Variants in ATL2 observed in about 807,000 individuals in gnomAD.
The protein encoded by ATL2 is atlastin GTPase 2, also known as atlastin-2.
A neutral mutation model predicts 73.9 loss-of-function variants in ATL2; 31 were observed. That is an observed-to-expected ratio of 0.42 (90% CI 0.32 to 0.57). The LOEUF is 0.57. ATL2 is among the 20% of genes least tolerant of loss of function. The pLI, the probability that ATL2 is intolerant of heterozygous loss-of-function variation, is 0.14. For missense variants in ATL2, 738 were observed against 702.6 expected, an observed-to-expected ratio of 1.05 and a Z score of -0.57; for synonymous variants, 291 against 237.5, an observed-to-expected ratio of 1.23 and a Z score of -2.07.
At chr2:38,366,458 T>C (rs543592369) in intron 1 of ATL2, among the ~76,000 whole-genome samples, 1 of 152,294 alleles carries the variant, frequency 6.6e-6, no homozygotes, top group South Asian at 2.1e-4. Flanking sequence ...AGATTGAAAA[T>C]TCTCAGAAAT....
At chr2:38,301,348 T>C (rs1283822611) in intron 9 of ATL2, among the ~76,000 whole-genome samples, 3 of 152,170 alleles carry the variant, frequency 2.0e-5, no homozygotes, top group Non-Finnish European at 4.4e-5. Context: ...AAGCCTCCAG[T>C]GATCACCACC....
intron 7 of ATL2, 103 bp downstream of exon 7, chr2:38,313,048 C>T (rs1667843641): frequency 2.7e-6 from 2 of 733,210 alleles, no homozygotes; most frequent in Non-Finnish European, 4.4e-6. Flanking sequence ...ATACTTTATT[C>T]CAACGACACG....
At chr2:38,365,619 T>A (rs1391573525) in intron 1 of ATL2, among the ~76,000 whole-genome samples, 1 of 152,166 alleles carries the variant, frequency 6.6e-6, no homozygotes, top group East Asian at 1.9e-4. Flanking sequence ...TGAAACCCCA[T>A]CTCTACTAAA....
intron 2 of ATL2, among the ~76,000 whole-genome samples, chr2:38,320,372 A>G (rs1187122327): frequency 6.6e-6 from 1 of 152,190 alleles, no homozygotes; most frequent in Non-Finnish European, 1.5e-5. Flanking sequence ...CATTTGCTTT[A>G]AAATATTCCG....
chr2:38,362,683 A>G (rs1671078947), intron 1 of ATL2, among the ~76,000 whole-genome samples: 1 of 152,268 alleles, frequency 6.6e-6, no homozygotes, highest in African/African-American at 2.4e-5. Context: ...CACAGTTCTG[A>G]GAACTACAGA....
chr2:38,366,184 A>G (rs1004169831), intron 1 of ATL2, among the ~76,000 whole-genome samples: 1 of 152,142 alleles, frequency 6.6e-6, no homozygotes, highest in East Asian at 1.9e-4. Context: ...TTGAGGGTAC[A>G]TGACAGGATT....
intron 2 of ATL2, among the ~76,000 whole-genome samples, chr2:38,329,910 C>T (rs1456704364): frequency 4.6e-5 from 7 of 152,110 alleles, no homozygotes; most frequent in African/African-American, 9.7e-5. Flanking sequence ...GGGCAGAATA[C>T]CTGAGGTCAG....
intron 2 of ATL2, among the ~76,000 whole-genome samples, chr2:38,321,495 G>C (rs1204491850): frequency 6.6e-6 from 1 of 152,140 alleles, no homozygotes; most frequent in Non-Finnish European, 1.5e-5. Context: ...CCCCGGACAA[G>C]TAAAACTGGT....
At chr2:38,321,741 C>T (rs1668333109) in intron 2 of ATL2, among the ~76,000 whole-genome samples, 1 of 151,902 alleles carries the variant, frequency 6.6e-6, no homozygotes, top group African/African-American at 2.4e-5. Context: ...GAGACAGGGT[C>T]TCACTCTGTC....
chr2:38,365,550 G>A (rs1671272678), intron 1 of ATL2, among the ~76,000 whole-genome samples: 2 of 152,072 alleles, frequency 1.3e-5, no homozygotes, highest in Non-Finnish European at 1.5e-5. Flanking sequence ...TAGCACTTTC[G>A]GAGGCCAAGG....
Position 38,303,670 on chromosome 2 carries a change from T to TA in ATL2, c.1072-3343dup, listed in dbSNP as rs1667299259. 5.3e-5 allele frequency among the ~76,000 whole-genome samples: 8 copies of TA among 151,258 alleles called. No individual in the cohort carries two copies. In the South Asian group the frequency reaches 1.7e-3, roughly 32 times the overall value. ...AAGAGTTCATTGCCTTAAAGAGGAG[T>TA]AGCTAAAGAGACAGCGGTAGAAAGT... is the stretch of plus-strand genomic sequence containing the variant. On this transcript the variant is annotated intron_variant, in intron 9 of 12. Transcript: ENST00000378954.
chr2:38,309,599 A>C, intron 8 of ATL2, 93 bp from the exon 9 acceptor site: 2 of 1,261,990 alleles, frequency 1.6e-6, no homozygotes, highest in Non-Finnish European at 1.1e-6. Flanking sequence ...TGAAATAAGA[A>C]TACATAGTAT....
intron 1 of ATL2, among the ~76,000 whole-genome samples, chr2:38,352,102 C>G (rs1349738266): frequency 2.7e-5 from 3 of 112,734 alleles, no homozygotes; most frequent in Non-Finnish European, 3.4e-5. Context: ...CAGAGCAAAA[C>G]TCTGTTTCAA....
intron 9 of ATL2, among the ~76,000 whole-genome samples, chr2:38,307,884 CA>C (rs1667537922): frequency 6.6e-6 from 1 of 152,098 alleles, no homozygotes; most frequent in Non-Finnish European, 1.5e-5. Flanking sequence ...CAGAGAAATG[CA>C]AATCAAAACT....
chr2:38,377,051 G>A lies in ATL2; in HGVS notation c.118+92C>T, dbSNP rs549236085. On this transcript the variant is annotated intron_variant, in intron 1 of 12. Transcript: ENST00000378954. Reference sequence around the variant, plus strand: ...GAGACCTGAACCAGCCGCGGACTCCGACCCCGCCGCCTGCGGCCGGTGCCC... The same window carrying A: ...GAGACCTGAACCAGCCGCGGACTCCAACCCCGCCGCCTGCGGCCGGTGCCC... 7.4e-5 allele frequency: 93 copies of A among 1,262,494 alleles called. No homozygotes were observed. In the African/African-American group the frequency reaches 1.4e-3, roughly 19 times the overall value. The allele number at this position is 1,262,494 out of a possible 1,614,324, so 78.2% of individuals were successfully genotyped here.
In ATL2 at chr2:38,314,632, T is replaced by C. The variant is rs1182330435; in HGVS notation, c.687A>G (p.Glu229=). 2 of 1,600,554 alleles carry C rather than the reference T, an allele frequency of 1.2e-6. No individual in the cohort carries two copies. Among genetic ancestry groups the C allele is most frequent in the African/African-American group, 1.3e-5 (1 of 74,600 alleles). ...LFTEYGRLAM[E]EIYQKPFQTL... is the part of the protein sequence containing the mutation. ...CCTGAAATGGTTTCTGGTAGATTTC[T>C]TCCATCGCAAGTCTTCCATACTCTG... is the stretch of plus-strand genomic sequence containing the variant. The change falls in exon 6 of 13, where the codon GAA becomes GAG. Residue 229 remains glutamate (E), a synonymous_variant. Coordinates refer to ENST00000378954, the MANE Select transcript of ATL2 (RefSeq NM_001135673.4).
At chr2:38,317,816 T>C (rs1240796090) in intron 4 of ATL2, among the ~76,000 whole-genome samples, 1 of 150,298 alleles carries the variant, frequency 6.7e-6, no homozygotes, top group Non-Finnish European at 1.5e-5. Context: ...AAAAAAAGTA[T>C]GTATTCCATA....
At chr2:38,325,902 TGTTTAAAAAAAA>T (rs1410282654) in intron 2 of ATL2, among the ~76,000 whole-genome samples, 61 of 52,846 alleles carry the variant, frequency 1.2e-3, no homozygotes, top group Middle Eastern at 8.2e-3. Context: ...TTTGTTTGTT[TGTTTAAAAAAAA>T]AAAAAAAAAA....
intron 9 of ATL2, among the ~76,000 whole-genome samples, chr2:38,305,350 C>A (rs1667392740): frequency 6.6e-6 from 1 of 152,174 alleles, no homozygotes; most frequent in Non-Finnish European, 1.5e-5. Flanking sequence ...GAGTTTGAGA[C>A]CAGCCTGGCC....
Sources: allele counts gnomAD v4.1 joint callset (sites outside exome capture counted in the v4.1 genomes callset), GRCh38; gene constraint gnomAD v4.1.1; transcripts MANE v1.5; gene names NCBI Gene and HGNC (gene_info 2026-07-23, HGNC 2026-07-21).